TOR3A: variants seen among roughly 807,000 people sequenced by gnomAD.
TOR3A encodes torsin-3A.
A neutral mutation model predicts 42.1 loss-of-function variants in TOR3A; 44 were observed. That is an observed-to-expected ratio of 1.04 (90% CI 0.82 to 1.34). The LOEUF is 1.34. TOR3A is among the 40% of genes most tolerant of loss of function. The pLI, the probability that TOR3A is intolerant of heterozygous loss-of-function variation, is 0.00. For missense variants in TOR3A, 521 were observed against 507.6 expected, an observed-to-expected ratio of 1.03 and a Z score of -0.25; for synonymous variants, 227 against 213.2, an observed-to-expected ratio of 1.06 and a Z score of -0.57.
At chr1:179,092,284 G>A (rs572707591) in intron 4 of TOR3A, among the ~76,000 whole-genome samples, 6 of 152,318 alleles carry the variant, frequency 3.9e-5, no homozygotes, top group African/African-American at 1.4e-4. Flanking sequence ...AATGAGCAAA[G>A]ATGTGAGCTA....
At chr1:179,093,287 C>T (rs1222110013) in intron 4 of TOR3A, among the ~76,000 whole-genome samples, 1 of 152,176 alleles carries the variant, frequency 6.6e-6, no homozygotes, top group East Asian at 1.9e-4. Context: ...TGCTTCAGAC[C>T]CGTAATTCCA....
chr1:179,092,765 C>CG (rs1161390154), intron 4 of TOR3A, among the ~76,000 whole-genome samples: 1 of 151,870 alleles, frequency 6.6e-6, no homozygotes, highest in African/African-American at 2.4e-5. Flanking sequence ...CTCTTGAATC[C>CG]GGGAGGCAGA....
chr1:179,091,417 G>A (rs907602092), intron 4 of TOR3A, among the ~76,000 whole-genome samples: 6 of 152,204 alleles, frequency 3.9e-5, no homozygotes, highest in African/African-American at 1.2e-4. Context: ...GGCGCGTAGA[G>A]AGGGGCCCCA....
At chr1:179,082,600 T>TGGCGCCCGGCTTCCC in intron 1 of TOR3A, 1 of 565,494 alleles carries the variant, frequency 1.8e-6, no homozygotes, top group Non-Finnish European at 2.8e-6. Context: ...CGCACCCCCC[T>TGGCGCCCGGCTTCCC]GGCGCCCGGC....
At position 179,095,411 on chromosome 1, in the gene TOR3A, T is replaced by C. The variant is rs1156765785; in HGVS notation, c.*193T>C. ...GCCAAGCCAATCCTTTTTCTTTTTT[T>C]TGGAGGTCCCACCGAGATAGATAGG... is the stretch of plus-strand genomic sequence containing the variant. On this transcript the variant is annotated 3_prime_UTR_variant, in exon 6 of 6. Transcript: ENST00000367627. 3.6e-6 allele frequency: 5 copies of C among 1,376,126 alleles called. No individual in the cohort carries two copies. The highest frequency in any genetic ancestry group is 2.7e-4 in the Middle Eastern group (1 of 3,684). 85.2% of individuals were successfully genotyped at this position (1,376,126 alleles called of 1,614,324 possible). A position where few individuals can be genotyped will look rare whatever the true frequency, so the allele number is the denominator to read the frequency against.
At chr1:179,084,140 C>A (rs1461840225) in intron 2 of TOR3A, among the ~76,000 whole-genome samples, 2 of 152,056 alleles carry the variant, frequency 1.3e-5, no homozygotes, top group East Asian at 1.9e-4. Flanking sequence ...TTCTGGCCAG[C>A]GGATTGGAGA....
At chr1:179,092,405 C>G (rs2102546283) in intron 4 of TOR3A, among the ~76,000 whole-genome samples, 1 of 152,292 alleles carries the variant, frequency 6.6e-6, no homozygotes, top group South Asian at 2.1e-4. Context: ...GTCCTTTACC[C>G]TCCCTCATTC....
chr1:179,088,172 G>A, intron 4 of TOR3A, 83 bp downstream of exon 4: 1 of 1,393,056 alleles, frequency 7.2e-7, no homozygotes, highest in Non-Finnish European at 9.6e-7. Flanking sequence ...ACGCCCCCAG[G>A]TTCAGAACCT....
chr1:179,095,413 G>GATACA lies in TOR3A; in HGVS notation c.*195_*196insATACA. ...CAAGCCAATCCTTTTTCTTTTTTTT[G>GATACA]GAGGTCCCACCGAGATAGATAGGAA... On this transcript the variant is annotated 3_prime_UTR_variant, in exon 6 of 6. Coordinates refer to ENST00000367627, the MANE Select transcript of TOR3A (RefSeq NM_022371.4). 7.3e-7 allele frequency: 1 copy of GATACA among 1,366,648 alleles called. No individual in the cohort carries two copies. Among genetic ancestry groups the GATACA allele is most frequent in the Non-Finnish European group, 9.4e-7 (1 of 1,062,228 alleles). The allele number at this position is 1,366,648 out of a possible 1,614,324, so 84.7% of individuals were successfully genotyped here.
At position 179,085,622 on chromosome 1, in the gene TOR3A, C is replaced by G; in HGVS notation, c.374-6C>G. The G allele has an allele frequency of 6.2e-7, 1 of 1,613,566 alleles. No individual in the cohort carries two copies. Among genetic ancestry groups the G allele is most frequent in the Non-Finnish European group, 8.5e-7 (1 of 1,179,590 alleles). On this transcript the variant is annotated splice_polypyrimidine_tract_variant and splice_region_variant and intron_variant, in intron 2 of 5. Coordinates refer to ENST00000367627, the MANE Select transcript of TOR3A (RefSeq NM_022371.4). Reference sequence around the variant, plus strand: ...TTTGCTGTGACTACCTCTTTCCTGTCCTTAGGCTTAGAGTGGGACCTGAAT... The same window carrying G: ...TTTGCTGTGACTACCTCTTTCCTGTGCTTAGGCTTAGAGTGGGACCTGAAT...
chr1:179,083,072 T>C lies in TOR3A; in HGVS notation c.373+19T>C. 1 of 1,444,986 alleles carries C rather than the reference T, an allele frequency of 6.9e-7. No homozygotes were observed. The highest frequency in any genetic ancestry group is 9.3e-7 in the Non-Finnish European group (1 of 1,076,728). 89.5% of individuals were successfully genotyped at this position (1,444,986 alleles called of 1,614,324 possible). On this transcript the variant is annotated intron_variant, in intron 2 of 5. Coordinates refer to ENST00000367627, the MANE Select transcript of TOR3A (RefSeq NM_022371.4). The stretch of plus-strand genomic sequence containing the variant: ...TTTACAGGTTGGACCCCGCATGGCT[T>C]CAAGGGGCTAGGGATCTGTGGGGAG...
Position 179,089,992 on chromosome 1 carries a change from TTA to T in TOR3A, c.818+1906_818+1907del, listed in dbSNP as rs139365820. ...TGACCCTGCAGTCTCCAGGCAAATG[TTA>T]TAGCCTTTGTAGTATTTTGGCCGTC... On this transcript the variant is annotated intron_variant, in intron 4 of 5. Transcript: ENST00000367627. 5.4e-3 allele frequency among the ~76,000 whole-genome samples: 826 copies of T among 151,946 alleles called. 8 individuals carry two copies. Among genetic ancestry groups the T allele is most frequent in the African/African-American group, 0.019 (781 of 41,468 alleles).
intron 4 of TOR3A, among the ~76,000 whole-genome samples, chr1:179,093,526 C>T (rs1652651606): frequency 6.6e-6 from 1 of 152,168 alleles, no homozygotes; most frequent in South Asian, 2.1e-4. Context: ...TTAAATCCTC[C>T]TTTCCATCCC....
At chr1:179,087,818 G>T in intron 3 of TOR3A, 93 bp from the exon 4 acceptor site, 1 of 1,244,480 alleles carries the variant, frequency 8.0e-7, no homozygotes, top group African/African-American at 1.5e-5. Flanking sequence ...AGCCCCAGGG[G>T]GTCCATTGCA....
rs1229327632 is a variant in TOR3A, at chr1:179,082,112, G to A, written c.-17G>A. ...GCTAGGCCGGCAGCCGGATGGTCCC[G>A]CAGCTCGGGGCCGGCCATGCTTCGC... On this transcript the variant is annotated 5_prime_UTR_variant, in exon 1 of 6. Transcript: ENST00000367627. The A allele has an allele frequency of 1.4e-6, 2 of 1,460,594 alleles. No homozygotes were observed. The highest frequency in any genetic ancestry group is 2.5e-5 in the Admixed American group (1 of 39,696). The allele number at this position is 1,460,594 out of a possible 1,614,324, so 90.5% of individuals were successfully genotyped here. A position where few individuals can be genotyped will look rare whatever the true frequency, so the allele number is the denominator to read the frequency against.
intron 5 of TOR3A, 129 bp downstream of exon 5, chr1:179,094,346 A>C (rs2102547365): frequency 2.5e-4 from 298 of 1,185,768 alleles, no homozygotes; most frequent in Non-Finnish European, 3.1e-4. Context: ...TAATCATCTC[A>C]CATTGTCAAC....
chr1:179,086,924 C>T lies in TOR3A; in HGVS notation c.640-987C>T, dbSNP rs530427037. On this transcript the variant is annotated intron_variant, in intron 3 of 5. Coordinates refer to ENST00000367627, the MANE Select transcript of TOR3A (RefSeq NM_022371.4). The stretch of plus-strand genomic sequence containing the variant: ...TCACCTGGGAAGATTATGTCAGCGT[C>T]TGAGGACAGAGGCTGCCCGCGTCTC... Among the ~76,000 whole-genome samples, 38 of 152,352 alleles carry T rather than the reference C, an allele frequency of 2.5e-4. No individual in the cohort carries two copies. The East Asian group carries it at 5.2e-3, about 21-fold the overall frequency.
chr1:179,095,733 G>A lies in TOR3A; in HGVS notation c.*515G>A. 1.0e-6 allele frequency: 1 copy of A among 987,600 alleles called. No individual in the cohort carries two copies. Among genetic ancestry groups the A allele is most frequent in the Non-Finnish European group, 1.2e-6 (1 of 833,898 alleles). 61.2% of individuals were successfully genotyped at this position (987,600 alleles called of 1,614,324 possible). On this transcript the variant is annotated 3_prime_UTR_variant, in exon 6 of 6. Coordinates refer to ENST00000367627, the MANE Select transcript of TOR3A (RefSeq NM_022371.4). ...ACCCAGGGGTGGAGAATACACTCTAGGTTTGCAGGCTGGTGGGCTTTCAAA... is the reference window on the plus strand; with the variant it reads ...ACCCAGGGGTGGAGAATACACTCTAAGTTTGCAGGCTGGTGGGCTTTCAAA...
intron 1 of TOR3A, chr1:179,082,588 TG>T: frequency 1.3e-6 from 1 of 755,652 alleles, no homozygotes; most frequent in Non-Finnish European, 2.1e-6. Context: ...CCGCGTCCCC[TG>T]CGCACCCCCC....
Sources: gnomAD v4.1 joint callset for allele counts (sites outside exome capture counted in the v4.1 genomes callset) on GRCh38, gnomAD v4.1.1 for gene constraint, MANE v1.5 for transcripts, NCBI Gene and HGNC (gene_info 2026-07-23, HGNC 2026-07-21) for gene names.